The following KCNT2 variants were observed in gnomAD, a reference collection of about 807,000 sequenced individuals.
KCNT2 encodes the protein potassium channel subfamily T member 2.
A neutral mutation model predicts 153.8 loss-of-function variants in KCNT2; 67 were observed. The ratio of observed to expected loss-of-function variants is 0.44; its 90% CI spans 0.36 to 0.53. KCNT2 has a LOEUF of 0.53. Ranked by LOEUF, KCNT2 falls within the 20% of genes least tolerant of loss-of-function variation. The pLI, the probability that KCNT2 is intolerant of heterozygous loss-of-function variation, is 0.00. For missense variants in KCNT2, 975 were observed against 1,354.8 expected, an observed-to-expected ratio of 0.72 and a Z score of 4.40; for synonymous variants, 500 against 458.8, an observed-to-expected ratio of 1.09 and a Z score of -1.15.
chr1:196,226,575 A>C lies in KCNT2; in HGVS notation c.*1649T>G, dbSNP rs192117489. ...TTCTTGGTGTTCTTGTTATTCTAAA[A>C]TGTGAATAATGTAAAATACCAAAAA... is the stretch of plus-strand genomic sequence containing the variant. On this transcript the variant is annotated 3_prime_UTR_variant, in exon 28 of 28. Transcript: ENST00000294725. 6.6e-6 allele frequency: 1 copy of C among 151,984 alleles called. No homozygotes were observed. The highest frequency in any genetic ancestry group is 1.9e-4 in the East Asian group (1 of 5,194). 9.4% of individuals were successfully genotyped at this position (151,984 alleles called of 1,614,324 possible).
chr1:196,378,798 A>T (rs1436179426), intron 13 of KCNT2, among the ~76,000 whole-genome samples: 1 of 147,832 alleles, frequency 6.8e-6, no homozygotes, highest in African/African-American at 2.5e-5. Context: ...TATGTAAACA[A>T]CATTGTATAT....
intron 23 of KCNT2, among the ~76,000 whole-genome samples, chr1:196,283,889 C>T (rs182821498): frequency 2.0e-5 from 3 of 151,824 alleles, no homozygotes; most frequent in Admixed American, 2.0e-4. Flanking sequence ...TACACACACA[C>T]AAATGCAGGT....
chr1:196,396,661 C>G (rs1670963323), intron 13 of KCNT2, among the ~76,000 whole-genome samples: 1 of 151,456 alleles, frequency 6.6e-6, no homozygotes, highest in South Asian at 2.1e-4. Flanking sequence ...GAAATGTAAT[C>G]TCAGTCATAA....
intron 23 of KCNT2, among the ~76,000 whole-genome samples, chr1:196,282,856 T>G (rs924395115): frequency 2.0e-5 from 3 of 152,186 alleles, no homozygotes; most frequent in Non-Finnish European, 2.9e-5. Flanking sequence ...TATTTATTTA[T>G]TTATTTGAGA....
intron 1 of KCNT2, among the ~76,000 whole-genome samples, chr1:196,526,660 C>A (rs1654254993): frequency 6.6e-6 from 1 of 151,996 alleles, no homozygotes; most frequent in Admixed American, 6.6e-5. Context: ...ACCATGTTGG[C>A]CAGGATGGTC....
intron 8 of KCNT2, among the ~76,000 whole-genome samples, chr1:196,452,003 A>G (rs1210988902): frequency 1.3e-5 from 2 of 151,952 alleles, no homozygotes; most frequent in African/African-American, 2.4e-5. Context: ...ATCGGGTAAT[A>G]GACAAGTATT....
At chr1:196,544,285 T>C (rs866446345) in intron 1 of KCNT2, among the ~76,000 whole-genome samples, 17 of 152,094 alleles carry the variant, frequency 1.1e-4, no homozygotes, top group African/African-American at 3.4e-4. Flanking sequence ...GCCACCATCA[T>C]TTGTAAAAAG....
At chr1:196,580,567 G>A (rs970800415) in intron 1 of KCNT2, among the ~76,000 whole-genome samples, 2 of 152,112 alleles carry the variant, frequency 1.3e-5, no homozygotes, top group African/African-American at 4.8e-5. Flanking sequence ...TAGAAACAAA[G>A]ACAGTTGAAT....
rs569659300 is a variant in KCNT2 at position 196,315,011 on chromosome 1, G to A, written c.2483+881C>T. On this transcript the variant is annotated intron_variant, in intron 21 of 27. Transcript: ENST00000294725. ...AAAATAGGCAACTTAACACAGACAC[G>A]CATCTAGGCTCTCTCCTTTGAATTT... 4.0e-5 allele frequency among the ~76,000 whole-genome samples: 6 copies of A among 151,742 alleles called. No homozygotes were observed. The East Asian group carries it at 9.7e-4, about 25-fold the overall frequency.
chr1:196,329,552 C>A (rs565613627), intron 18 of KCNT2, among the ~76,000 whole-genome samples: 17 of 151,590 alleles, frequency 1.1e-4, no homozygotes, highest in Non-Finnish European at 2.2e-4. Context: ...GAAATAAAAA[C>A]CAGAAGTGAA....
intron 1 of KCNT2, among the ~76,000 whole-genome samples, chr1:196,578,506 A>G (rs939009268): frequency 1.3e-5 from 2 of 152,196 alleles, no homozygotes; most frequent in African/African-American, 4.8e-5. Context: ...GACTAGCTGT[A>G]GATCAGAGTG....
chr1:196,409,423 T>G (rs915528193), intron 12 of KCNT2, among the ~76,000 whole-genome samples: 1 of 151,516 alleles, frequency 6.6e-6, no homozygotes, highest in African/African-American at 2.4e-5. Context: ...GTATATTTTG[T>G]TTTTTTCAGT....
chr1:196,311,531 A>G (rs1222991816), intron 21 of KCNT2, among the ~76,000 whole-genome samples: 1 of 151,904 alleles, frequency 6.6e-6, no homozygotes, highest in South Asian at 2.1e-4. Flanking sequence ...AAGCAAAAAC[A>G]GCAACCAAAA....
rs5779831 is a variant in KCNT2 at position 196,339,520 on chromosome 1, C to CAGAGAGAG, written c.1783+813_1783+820dup. Among the ~76,000 whole-genome samples the CAGAGAGAG allele has an allele frequency of 2.3e-3, 311 of 137,996 alleles. 2 individuals are homozygous for CAGAGAGAG. Among genetic ancestry groups the CAGAGAGAG allele is most frequent in the African/African-American group, 8.5e-3 (298 of 34,972 alleles). 90.5% of individuals were successfully genotyped at this position (137,996 alleles called of 152,430 possible). A position where few individuals can be genotyped will look rare whatever the true frequency, so the allele number is the denominator to read the frequency against. ...AGATATGAAGAGACACACACACACA[C>CAGAGAGAG]AGAGAGAGAGAGAGAGAGAGAGAGA... On this transcript the variant is annotated intron_variant, in intron 16 of 27. Transcript: ENST00000294725.
chr1:196,534,094 T>C (rs1449917470), intron 1 of KCNT2, among the ~76,000 whole-genome samples: 3 of 151,826 alleles, frequency 2.0e-5, no homozygotes, highest in Admixed American at 6.6e-5. Flanking sequence ...AGGTAATAGA[T>C]TGGTGGGGAA....
At chr1:196,385,703 T>G (rs1419105422) in intron 13 of KCNT2, among the ~76,000 whole-genome samples, 1 of 151,660 alleles carries the variant, frequency 6.6e-6, no homozygotes, top group African/African-American at 2.4e-5. Flanking sequence ...GCACACATTC[T>G]GGAGACAGAG....
chr1:196,535,057 C>G (rs1328192956), intron 1 of KCNT2, among the ~76,000 whole-genome samples: 1 of 152,138 alleles, frequency 6.6e-6, no homozygotes, highest in Non-Finnish European at 1.5e-5. Context: ...TTAATGTGAA[C>G]AAAGTCACTA....
chr1:196,608,187 C>T (rs1421649356), intron 1 of KCNT2, 28 bp downstream of exon 1: 2 of 1,598,970 alleles, frequency 1.3e-6, no homozygotes, highest in Non-Finnish European at 1.7e-6. Flanking sequence ...GCAATATTTA[C>T]AGAACAATCC....
chr1:196,460,845 AT>A (rs1488253322), intron 8 of KCNT2, among the ~76,000 whole-genome samples: 1 of 151,694 alleles, frequency 6.6e-6, no homozygotes, highest in African/African-American at 2.4e-5. Context: ...ATTAAATTTT[AT>A]TTCCTCCTTT....
Sources: gnomAD v4.1 joint callset for allele counts (sites outside exome capture counted in the v4.1 genomes callset) on GRCh38, gnomAD v4.1.1 for gene constraint, MANE v1.5 for transcripts, NCBI Gene and HGNC (gene_info 2026-07-23, HGNC 2026-07-21) for gene names.